Variants in CREB5 observed in about 807,000 individuals in gnomAD.
The protein encoded by CREB5 is cyclic AMP-responsive element-binding protein 5.
CREB5 carries 19 observed loss-of-function variants against 57.1 expected under a neutral mutation model. That is an observed-to-expected ratio of 0.33 (90% confidence interval 0.23 to 0.49). The LOEUF (loss-of-function observed/expected upper bound fraction) is 0.49. CREB5 is among the 20% of genes least tolerant of loss of function. The pLI is 0.99. For missense variants in CREB5, 579 were observed against 671.6 expected, an observed-to-expected ratio of 0.86 and a Z score of 1.52; for synonymous variants, 238 against 238.3, an observed-to-expected ratio of 1.00 and a Z score of 0.01.
At chr7:28,541,269 A>G (rs1345195439) in intron 4 of CREB5, among the ~76,000 whole-genome samples, 2 of 152,192 alleles carry the variant, frequency 1.3e-5, no homozygotes, top group Non-Finnish European at 2.9e-5. Flanking sequence ...TTCTTGCTCT[A>G]CTGTTAAAAA....
chr7:28,704,513 C>T (rs887726608), intron 5 of CREB5, among the ~76,000 whole-genome samples: 2 of 151,954 alleles, frequency 1.3e-5, no homozygotes, highest in African/African-American at 2.4e-5. Context: ...TCTGTTTCTG[C>T]AGTGACACGA....
At chr7:28,799,793 G>C (rs1030121341) in intron 7 of CREB5, among the ~76,000 whole-genome samples, 1 of 152,158 alleles carries the variant, frequency 6.6e-6, no homozygotes, top group Admixed American at 6.5e-5. Flanking sequence ...GTGTGGAGCA[G>C]TAAACTGTTT....
intron 5 of CREB5, among the ~76,000 whole-genome samples, chr7:28,600,587 C>T (rs1015114413): frequency 6.6e-6 from 1 of 152,162 alleles, no homozygotes; most frequent in Admixed American, 6.5e-5. Context: ...AAAAATTATG[C>T]AGGCCAGACA....
At position 28,560,879 on chromosome 7, in the gene CREB5, C is replaced by CGCGT. The variant is rs1795131480; in HGVS notation, c.292-9485_292-9484insCGTG. Among the ~76,000 whole-genome samples the CGCGT allele has an allele frequency of 1.4e-4, 3 of 22,052 alleles. No homozygotes were observed. The South Asian group carries it at 8.3e-3, about 61-fold the overall frequency. 14.5% of individuals were successfully genotyped at this position (22,052 alleles called of 152,430 possible). A position where few individuals can be genotyped will look rare whatever the true frequency, so the allele number is the denominator to read the frequency against. ...GTGTGCGTGTGCCTGCGTGCGCGTG[C>CGCGT]GTGCGTGCGTGTGTGTGCGTGCGCG... On this transcript the variant is annotated intron_variant, in intron 4 of 10. Coordinates refer to ENST00000357727, the MANE Select transcript of CREB5 (RefSeq NM_182898.4).
At chr7:28,464,496 CGTGTGTGTGT>C (rs71555745) in intron 1 of CREB5, among the ~76,000 whole-genome samples, 242 of 139,652 alleles carry the variant, frequency 1.7e-3, no homozygotes, top group South Asian at 5.1e-3. Context: ...TGGAAAGTTG[CGTGTGTGTGT>C]GTGTGTGTGT....
At chr7:28,359,282 C>A (rs1445199914) in intron 1 of CREB5, among the ~76,000 whole-genome samples, 2 of 150,576 alleles carry the variant, frequency 1.3e-5, no homozygotes, top group Admixed American at 6.6e-5. Context: ...ATATGTTAAG[C>A]AAATCACAAT....
intron 5 of CREB5, among the ~76,000 whole-genome samples, chr7:28,611,489 T>TGAAA (rs1348585383): frequency 2.1e-5 from 1 of 47,982 alleles, no homozygotes; most frequent in Non-Finnish European, 3.6e-5. Flanking sequence ...CCATCTCTAC[T>TGAAA]AAAAAAAAAA....
intron 7 of CREB5, among the ~76,000 whole-genome samples, chr7:28,800,381 G>C (rs968337682): frequency 6.6e-6 from 1 of 152,202 alleles, no homozygotes; most frequent in African/African-American, 2.4e-5. Context: ...GGCCAGTGTG[G>C]CTGGGTGGGA....
At chr7:28,524,989 G>A (rs1431661526) in intron 4 of CREB5, among the ~76,000 whole-genome samples, 8 of 100,672 alleles carry the variant, frequency 7.9e-5, no homozygotes, top group African/African-American at 2.4e-4. Context: ...CCCCACCCCC[G>A]ACCCTTCCCA....
intron 5 of CREB5, among the ~76,000 whole-genome samples, chr7:28,629,183 T>A (rs1211450838): frequency 1.3e-5 from 2 of 152,244 alleles, no homozygotes; most frequent in African/African-American, 4.8e-5. Context: ...GAGATGAGTT[T>A]AGCCCATAGC....
chr7:28,737,539 GTATATATATATATATATA>G (rs59294932), intron 7 of CREB5, among the ~76,000 whole-genome samples: 438 of 26,664 alleles, frequency 0.016, 15 homozygotes, highest in East Asian at 0.081. Context: ...ATATATATAC[GTATATATATATATATATA>G]TATATATATA....
At chr7:28,640,199 G>A (rs997707418) in intron 5 of CREB5, among the ~76,000 whole-genome samples, 8 of 152,302 alleles carry the variant, frequency 5.3e-5, no homozygotes, top group South Asian at 2.1e-4. Context: ...GCCACAGAGC[G>A]TAACTCTCCA....
At chr7:28,496,137 G>T (rs1295401966) in intron 3 of CREB5, among the ~76,000 whole-genome samples, 13 of 152,196 alleles carry the variant, frequency 8.5e-5, no homozygotes, top group African/African-American at 3.1e-4. Flanking sequence ...TTATGATGGA[G>T]ATTCAGTGAA....
chr7:28,581,223 A>G (rs528362997), intron 5 of CREB5, among the ~76,000 whole-genome samples: 3 of 152,216 alleles, frequency 2.0e-5, no homozygotes, highest in Non-Finnish European at 4.4e-5. Context: ...TCTTGCACAC[A>G]AACTCCAGAT....
chr7:28,809,295 C>A lies in CREB5; in HGVS notation c.1135C>A (p.Arg379=). ...AGACGAGGATCCGGACGAGAGGCGG[C>A]GGAAATTTCTGGAACGGAACCGGGC... ...VVDEDPDERR[R]KFLERNRAAA... Residue 379 remains arginine (R), a synonymous_variant, in exon 9 of 11, where the codon CGG becomes AGG. Transcript: ENST00000357727. The A allele has an allele frequency of 6.2e-7, 1 of 1,614,122 alleles. No homozygotes were observed. Among genetic ancestry groups the A allele is most frequent in the Non-Finnish European group, 8.5e-7 (1 of 1,180,030 alleles).
chr7:28,423,786 G>A (rs568116184), intron 1 of CREB5, among the ~76,000 whole-genome samples: 4 of 152,266 alleles, frequency 2.6e-5, no homozygotes, highest in East Asian at 1.9e-4. Context: ...ATTGGGTTCC[G>A]TGGCAGTACA....
intron 5 of CREB5, among the ~76,000 whole-genome samples, chr7:28,681,720 G>A (rs1800603578): frequency 2.0e-5 from 3 of 152,222 alleles, no homozygotes; most frequent in African/African-American, 7.2e-5. Context: ...GGAGCACAGA[G>A]TAATGGCCAC....
chr7:28,308,900 G>T (rs902460284), intron 1 of CREB5, among the ~76,000 whole-genome samples: 2 of 152,222 alleles, frequency 1.3e-5, no homozygotes, highest in African/African-American at 4.8e-5. Flanking sequence ...GGATATTTCT[G>T]TGAGGGTGTT....
chr7:28,754,040 G>C (rs181002365), intron 7 of CREB5, among the ~76,000 whole-genome samples: 616 of 149,786 alleles, frequency 4.1e-3, no homozygotes, highest in African/African-American at 0.015. Flanking sequence ...CAAATATCTA[G>C]CTTTCATTTT....
Sources: allele counts gnomAD v4.1 joint callset (sites outside exome capture counted in the v4.1 genomes callset), GRCh38; gene constraint gnomAD v4.1.1; transcripts MANE v1.5; gene names NCBI Gene and HGNC (gene_info 2026-07-23, HGNC 2026-07-21).